SCAF11: variants seen among roughly 807,000 people sequenced by gnomAD.
The protein encoded by SCAF11 is SR-related CTD associated factor 11.
In SCAF11, 47 loss-of-function variants were observed where a neutral mutation model predicts 140.5. The observed-to-expected ratio is 0.33, with a 90% confidence interval of 0.26 to 0.43. The LOEUF (loss-of-function observed/expected upper bound fraction) is 0.43, where lower values mean the gene tolerates loss of function less well. Among genes scored for constraint, SCAF11 ranks in the 20% least tolerant of loss-of-function variants. The probability of loss-of-function intolerance (pLI) is 1.00; values close to 1 mark genes in which losing one functional copy is unlikely to be tolerated. For missense variants in SCAF11, 1,645 were observed against 1,705.1 expected (o/e 0.96, Z 0.62); for synonymous variants, 557 against 579.4 (o/e 0.96, Z 0.55).
chr12:45,924,132 T>C (rs1319539586), intron 12 of SCAF11, among the ~76,000 whole-genome samples: 3 of 152,194 alleles, frequency 2.0e-5, no homozygotes, highest in East Asian at 3.8e-4. Flanking sequence ...TGAGCCACCA[T>C]GCCCGGCCTA....
At chr12:45,941,317 T>C (rs953308336) in intron 6 of SCAF11, among the ~76,000 whole-genome samples, 4 of 152,212 alleles carry the variant, frequency 2.6e-5, no homozygotes, top group African/African-American at 9.7e-5. Context: ...ATATTTAAGG[T>C]ATACTACTTA....
intron 6 of SCAF11, among the ~76,000 whole-genome samples, chr12:45,936,879 T>C (rs895899498): frequency 2.0e-5 from 3 of 152,182 alleles, no homozygotes; most frequent in Non-Finnish European, 4.4e-5. Context: ...TGATAGGTTA[T>C]AGAATTGTCT....
In SCAF11 at chr12:45,928,289, C is replaced by CCTACTCTTTCCTCTGTATCAT. The variant is rs758809961; in HGVS notation, c.1391_1411dup (p.Val470_Gly471insAspAspThrGluGluArgVal). On this transcript the variant is annotated inframe_insertion, in exon 11 of 15. Coordinates refer to ENST00000369367, the MANE Select transcript of SCAF11 (RefSeq NM_004719.3). ...AGCACAAGACTCAGAAGATGAAGAT[C>CCTACTCTTTCCTCTGTATCAT]CTACTCTTTCCTCTGTATCATAATT... The CCTACTCTTTCCTCTGTATCAT allele has an allele frequency of 6.2e-7, 1 of 1,613,968 alleles. No homozygotes were observed. The highest frequency in any genetic ancestry group is 1.7e-5 in the Admixed American group (1 of 60,006).
chr12:45,972,921 G>GATATATAT (rs1565688971), intron 1 of SCAF11, among the ~76,000 whole-genome samples: 1 of 59,736 alleles, frequency 1.7e-5, no homozygotes, highest in Admixed American at 1.5e-4. Context: ...TATATATATA[G>GATATATAT]ATATATAGAT....
chr12:45,978,468 G>A (rs1336020197), intron 1 of SCAF11, among the ~76,000 whole-genome samples: 2 of 152,160 alleles, frequency 1.3e-5, no homozygotes, highest in Admixed American at 1.3e-4. Flanking sequence ...TTTACACGTA[G>A]AAAACTAAAC....
intron 5 of SCAF11, among the ~76,000 whole-genome samples, chr12:45,946,872 T>C (rs1261867391): frequency 6.6e-6 from 1 of 152,188 alleles, no homozygotes; most frequent in African/African-American, 2.4e-5. Flanking sequence ...GGGTAGGCTC[T>C]TGGAGGGGGT....
In SCAF11 at chr12:45,927,239, C is replaced by T; in HGVS notation, c.2462G>A (p.Arg821Lys). The T allele has an allele frequency of 6.2e-7, 1 of 1,614,104 alleles. No homozygotes were observed. The highest frequency in any genetic ancestry group is 8.5e-7 in the Non-Finnish European group (1 of 1,180,020). Residue 821 changes from arginine to lysine, a missense_variant, in exon 11 of 15, where the codon AGA becomes AAA. Physicochemically the swap from Arg to Lys is conservative, Grantham distance 26. Transcript: ENST00000369367. Reference sequence around the variant, plus strand: ...CTTCCTGCTTTCTTTCCCAGTTTCTCTTCTGGGAGATGGAGACTGGGGCCG... The same window carrying T: ...CTTCCTGCTTTCTTTCCCAGTTTCTTTTCTGGGAGATGGAGACTGGGGCCG... Reference protein sequence around the residue: ...KKRPQSPSPRRETGKESRKSQ... With the variant: ...KKRPQSPSPRKETGKESRKSQ...
Position 45,950,507 on chromosome 12 carries a change from T to A in SCAF11, c.297+1143A>T, listed in dbSNP as rs985465252. Among the ~76,000 whole-genome samples, 8 of 152,330 alleles carry A rather than the reference T, an allele frequency of 5.3e-5. No homozygotes were observed. The South Asian group carries it at 1.7e-3, about 32-fold the overall frequency. Reference sequence around the variant, plus strand: ...AGAAAAATATATTTGGAATCTACTTTACACTAATGAATCTTTTGCAATGTA... The same window carrying A: ...AGAAAAATATATTTGGAATCTACTTAACACTAATGAATCTTTTGCAATGTA... On this transcript the variant is annotated intron_variant, in intron 4 of 14. Transcript: ENST00000369367.
chr12:45,988,297 CTT>C (rs1339237545), intron 1 of SCAF11, among the ~76,000 whole-genome samples: 1 of 152,184 alleles, frequency 6.6e-6, no homozygotes, highest in Non-Finnish European at 1.5e-5. Flanking sequence ...CTGCTACTCT[CTT>C]TAATTAAGGT....
intron 1 of SCAF11, among the ~76,000 whole-genome samples, chr12:45,970,382 G>GA (rs1410735906): frequency 6.6e-6 from 1 of 152,194 alleles, no homozygotes; most frequent in Non-Finnish European, 1.5e-5. Flanking sequence ...TGGTTACACA[G>GA]AAAGAAGAGG....
chr12:45,987,079 G>C (rs1248989929), intron 1 of SCAF11, among the ~76,000 whole-genome samples: 4 of 152,166 alleles, frequency 2.6e-5, no homozygotes, highest in Non-Finnish European at 5.9e-5. Flanking sequence ...AGACCCCTTA[G>C]GCTGGGTGTG....
chr12:45,924,455 T>A (rs774894926), intron 12 of SCAF11, among the ~76,000 whole-genome samples: 1 of 152,200 alleles, frequency 6.6e-6, no homozygotes, highest in Non-Finnish European at 1.5e-5. Flanking sequence ...ATAATTTGGT[T>A]TACTTAATAT....
intron 6 of SCAF11, among the ~76,000 whole-genome samples, chr12:45,938,284 G>C (rs1353308015): frequency 6.6e-6 from 1 of 152,166 alleles, no homozygotes; most frequent in Admixed American, 6.5e-5. Context: ...GAGGTCAGGA[G>C]TTCGAGACCA....
chr12:45,977,771 G>T (rs1946267223), intron 1 of SCAF11, among the ~76,000 whole-genome samples: 1 of 151,998 alleles, frequency 6.6e-6, no homozygotes, highest in Non-Finnish European at 1.5e-5. Context: ...CTTGGGAGGG[G>T]GTGTTTGAAT....
rs946278828 is a variant in SCAF11 at position 45,936,849 on chromosome 12, T to C, written c.464-2344A>G. Among the ~76,000 whole-genome samples the C allele has an allele frequency of 2.6e-5, 4 of 152,182 alleles. No individual in the cohort carries two copies. In the South Asian group the frequency reaches 8.3e-4, roughly 32 times the overall value. ...AGTGGAAAAGGGTGGGAATTCTGAG[T>C]TAGTGCACGATGGATAGTTTGATAG... On this transcript the variant is annotated intron_variant, in intron 6 of 14. Coordinates refer to ENST00000369367, the MANE Select transcript of SCAF11 (RefSeq NM_004719.3).
intron 1 of SCAF11, among the ~76,000 whole-genome samples, chr12:45,988,292 A>G (rs949226790): frequency 6.6e-6 from 1 of 152,118 alleles, no homozygotes; most frequent in Admixed American, 6.5e-5. Flanking sequence ...TATGCCTGCT[A>G]CTCTCTTTAA....
intron 1 of SCAF11, among the ~76,000 whole-genome samples, chr12:45,988,308 G>T (rs1468605002): frequency 6.6e-6 from 1 of 152,078 alleles, no homozygotes; most frequent in East Asian, 1.9e-4. Context: ...TTTAATTAAG[G>T]TGCTACAACT....
intron 10 of SCAF11, 90 bp downstream of exon 10, chr12:45,931,416 T>C (rs1945042311): frequency 1.6e-6 from 1 of 633,304 alleles, no homozygotes; most frequent in Non-Finnish European, 2.5e-6. Context: ...CTTTACAGCT[T>C]TTCTAAGTCA....
upstream of SCAF11, chr12:45,990,744 A>G (rs1438415195): frequency 7.3e-6 from 2 of 275,448 alleles, no homozygotes; most frequent in Non-Finnish European, 1.1e-5. Flanking sequence ...CGTAGTACCC[A>G]GTTGGGCCGC....
Sources: allele counts gnomAD v4.1 joint callset (sites outside exome capture counted in the v4.1 genomes callset), GRCh38; gene constraint gnomAD v4.1.1; transcripts MANE v1.5; gene names NCBI Gene and HGNC (gene_info 2026-07-23, HGNC 2026-07-21).